TRAPPC8: variants seen among roughly 807,000 people sequenced by gnomAD.
TRAPPC8 encodes the protein trafficking protein particle complex subunit 8, also known as general sporulation gene 1 homolog.
Under a neutral mutation model 174.3 loss-of-function variants are expected in TRAPPC8, and 54 were observed. The observed-to-expected ratio is 0.31, with a 90% CI of 0.25 to 0.39. TRAPPC8 has a LOEUF of 0.39. Ranked by LOEUF, TRAPPC8 falls within the 10% of genes least tolerant of loss-of-function variation. TRAPPC8 has a pLI of 1.00. For synonymous variants in TRAPPC8, 630 were observed against 579.9 expected, an observed-to-expected ratio of 1.09 and a Z score of -1.24; for missense variants, 1,531 against 1,699.1, an observed-to-expected ratio of 0.90 and a Z score of 1.74.
chr18:31,856,302 G>A (rs754855633), intron 20 of TRAPPC8, among the ~76,000 whole-genome samples: 1 of 151,720 alleles, frequency 6.6e-6, no homozygotes, highest in Non-Finnish European at 1.5e-5. Context: ...ATGGGGTTTC[G>A]CCATATTCAT....
At chr18:31,923,417 T>C (rs912193234) in intron 2 of TRAPPC8, among the ~76,000 whole-genome samples, 8 of 152,198 alleles carry the variant, frequency 5.3e-5, no homozygotes, top group African/African-American at 1.4e-4. Flanking sequence ...TACCAAGGAA[T>C]AGCAGCTTTA....
chr18:31,925,039 A>G (rs1042055292), intron 2 of TRAPPC8, among the ~76,000 whole-genome samples: 2 of 152,098 alleles, frequency 1.3e-5, no homozygotes, highest in Non-Finnish European at 1.5e-5. Context: ...AAAAACTATA[A>G]GTAATAAAAA....
rs2032299807 is a variant in TRAPPC8 at position 31,830,585 on chromosome 18, T to A, written c.*170A>T. The A allele has an allele frequency of 3.4e-6, 2 of 589,868 alleles. No individual in the cohort carries two copies. The highest frequency in any genetic ancestry group is 6.3e-5 in the Admixed American group (2 of 31,506). The allele number at this position is 589,868 out of a possible 1,614,324, so 36.5% of individuals were successfully genotyped here. The stretch of plus-strand genomic sequence containing the variant: ...AGAAATACAGAAAAAGAATGTTAAG[T>A]ATTCTCAGTCCAACGTGCTTTGCAT... On this transcript the variant is annotated 3_prime_UTR_variant, in exon 29 of 29. Coordinates refer to ENST00000283351, the MANE Select transcript of TRAPPC8 (RefSeq NM_014939.5).
intron 2 of TRAPPC8, among the ~76,000 whole-genome samples, chr18:31,927,049 CTGT>C (rs2037647409): frequency 6.6e-6 from 1 of 152,130 alleles, no homozygotes. Context: ...GTACAGATCA[CTGT>C]TGTTTTTTCC....
chr18:31,878,015 C>T (rs910761848), intron 12 of TRAPPC8, among the ~76,000 whole-genome samples: 1 of 151,828 alleles, frequency 6.6e-6, no homozygotes, highest in African/African-American at 2.4e-5. Context: ...AGCATCCGGG[C>T]AACAGAAGGT....
At chr18:31,920,585 G>T (rs1199835693) in intron 2 of TRAPPC8, among the ~76,000 whole-genome samples, 2 of 149,780 alleles carry the variant, frequency 1.3e-5, no homozygotes, top group African/African-American at 4.9e-5. Flanking sequence ...CAGATCGATT[G>T]AGCTCAGGAA....
intron 11 of TRAPPC8, among the ~76,000 whole-genome samples, chr18:31,892,046 G>A (rs2035973711): frequency 6.6e-6 from 1 of 152,058 alleles, no homozygotes; most frequent in Admixed American, 6.5e-5. Flanking sequence ...CTTAAAAACG[G>A]GTTTGTGTCA....
At position 31,867,555 on chromosome 18, in the gene TRAPPC8, CA is replaced by C. The variant is rs1375951735; in HGVS notation, c.2389-80del. On this transcript the variant is annotated intron_variant, in intron 16 of 28. Transcript: ENST00000283351. ...TTAACACTCCTATATATCAATACTT[CA>C]AAAAAATAACACTAATTAAAGTCTG... 1.9e-5 allele frequency: 18 copies of C among 942,152 alleles called. No homozygotes were observed. In the Middle Eastern group the frequency reaches 1.5e-3, roughly 79 times the overall value. 58.4% of individuals were successfully genotyped at this position (942,152 alleles called of 1,614,324 possible).
chr18:31,880,121 A>ATATATATATATT (rs1239258266), intron 12 of TRAPPC8, among the ~76,000 whole-genome samples: 2 of 69,054 alleles, frequency 2.9e-5, no homozygotes, highest in African/African-American at 1.2e-4. Flanking sequence ...ATATATATAT[A>ATATATATATATT]TTTTTTTTTT....
Position 31,836,985 on chromosome 18 carries a change from A to G in TRAPPC8, c.3983+2327T>C, listed in dbSNP as rs973526049. On this transcript the variant is annotated intron_variant, in intron 27 of 28. Coordinates refer to ENST00000283351, the MANE Select transcript of TRAPPC8 (RefSeq NM_014939.5). ...CACCGTGTTAGCCAGGATGGTCTTGATCTCCTGACCTCGTGATCCGCCCGC... is the reference window on the plus strand; with the variant it reads ...CACCGTGTTAGCCAGGATGGTCTTGGTCTCCTGACCTCGTGATCCGCCCGC... 2.6e-5 allele frequency among the ~76,000 whole-genome samples: 4 copies of G among 151,868 alleles called. No homozygotes were observed. The South Asian group carries it at 8.3e-4, about 32-fold the overall frequency.
chr18:31,849,693 A>G lies in TRAPPC8; in HGVS notation c.3608T>C (p.Leu1203Ser). 1 of 1,611,554 alleles carries G rather than the reference A, an allele frequency of 6.2e-7. No individual in the cohort carries two copies. The highest frequency in any genetic ancestry group is 8.5e-7 in the Non-Finnish European group (1 of 1,178,752). Reference protein sequence around the residue: ...SPCADFFYRSLSSELKKPQAH... With the variant: ...SPCADFFYRSSSSELKKPQAH... ...TTGTGGTTTTTTCAATTCAGAAGAT[A>G]AACTTCGATAAAAGAAGTCTGCACA... Residue 1203 changes from leucine (L) to serine (S), a missense_variant, in exon 25 of 29, where the codon TTA becomes TCA. Leu to Ser is a moderately radical substitution (Grantham distance 145). Transcript: ENST00000283351.
At chr18:31,865,286 T>C (rs776962547) in intron 18 of TRAPPC8, among the ~76,000 whole-genome samples, 22 of 152,076 alleles carry the variant, frequency 1.4e-4, no homozygotes, top group Non-Finnish European at 2.7e-4. Flanking sequence ...TTAAATACAG[T>C]AGAGTTTTCT....
At chr18:31,894,498 T>TC (rs1411740402) in intron 11 of TRAPPC8, among the ~76,000 whole-genome samples, 1 of 152,072 alleles carries the variant, frequency 6.6e-6, no homozygotes, top group East Asian at 1.9e-4. Flanking sequence ...TGATAGCACT[T>TC]CAACAAGAAC....
At chr18:31,895,717 T>C (rs1329230414) in intron 11 of TRAPPC8, 1 of 152,212 alleles carries the variant, frequency 6.6e-6, no homozygotes, top group Non-Finnish European at 1.5e-5. Flanking sequence ...AATCCTTAGG[T>C]TGAAGAACAC....
chr18:31,831,138 A>C, intron 28 of TRAPPC8, 149 bp from the exon 29 acceptor site: 1 of 626,296 alleles, frequency 1.6e-6, no homozygotes, highest in Non-Finnish European at 2.8e-6. Context: ...GGATCACCTG[A>C]GATCAGGAGT....
At chr18:31,869,769 A>G (rs1432352258) in intron 16 of TRAPPC8, among the ~76,000 whole-genome samples, 3 of 152,222 alleles carry the variant, frequency 2.0e-5, no homozygotes, top group African/African-American at 7.2e-5. Context: ...AGGAATCCCA[A>G]ATATGTGGGA....
At chr18:31,931,233 C>T in intron 2 of TRAPPC8, 96 bp downstream of exon 2, 1 of 1,211,824 alleles carries the variant, frequency 8.3e-7, no homozygotes, top group Non-Finnish European at 1.1e-6. Flanking sequence ...TTAGTAAACT[C>T]TTAAATACAT....
At position 31,942,588 on chromosome 18, in the gene TRAPPC8, A is replaced by G. The variant is rs1279270308; in HGVS notation, c.157+20T>C. On this transcript the variant is annotated intron_variant, in intron 1 of 28. Coordinates refer to ENST00000283351, the MANE Select transcript of TRAPPC8 (RefSeq NM_014939.5). ...CACGGCTTTGCGGGAGCCCACTGGA[A>G]AAGGGAGGATACCACATACCCTCGG... The G allele has an allele frequency of 2.0e-6, 3 of 1,515,186 alleles. No homozygotes were observed. In the African/African-American group the frequency reaches 4.3e-5, roughly 22 times the overall value. The allele number at this position is 1,515,186 out of a possible 1,614,324, so 93.9% of individuals were successfully genotyped here. A position where few individuals can be genotyped will look rare whatever the true frequency, so the allele number is the denominator to read the frequency against.
intron 12 of TRAPPC8, among the ~76,000 whole-genome samples, chr18:31,889,721 T>A (rs2035875312): frequency 6.6e-6 from 1 of 152,192 alleles, no homozygotes; most frequent in Admixed American, 6.5e-5. Flanking sequence ...TTTGAAAGGT[T>A]TTTTAATGAA....
Sources: allele counts gnomAD v4.1 joint callset (sites outside exome capture counted in the v4.1 genomes callset), GRCh38; gene constraint gnomAD v4.1.1; transcripts MANE v1.5; gene names NCBI Gene and HGNC (gene_info 2026-07-23, HGNC 2026-07-21).